GFRA2: variants seen among roughly 807,000 people sequenced by gnomAD.
The protein encoded by GFRA2 is GDNF family receptor alpha-2.
A neutral mutation model predicts 48.3 loss-of-function variants in GFRA2; 17 were observed. The observed-to-expected ratio is 0.35, with a 90% CI of 0.24 to 0.53. GFRA2 has a LOEUF of 0.53. Ranked by LOEUF, GFRA2 falls within the 20% of genes least tolerant of loss-of-function variation. The probability of loss-of-function intolerance (pLI) is 0.93; values close to 1 mark genes in which losing one functional copy is unlikely to be tolerated. For synonymous variants in GFRA2, 305 were observed against 257.2 expected, an observed-to-expected ratio of 1.19 and a Z score of -1.78; for missense variants, 660 against 637.3, an observed-to-expected ratio of 1.04 and a Z score of -0.38.
chr8:21,793,715 CCAACTGGT>C (rs1376175252), upstream of GFRA2, among the ~76,000 whole-genome samples: 157 of 152,194 alleles, frequency 1.0e-3, no homozygotes, highest in African/African-American at 3.8e-3. Context: ...TCCAGCACCC[CCAACTGGT>C]CAATTCTGTG....
At chr8:21,713,229 T>C (rs1803162408) in intron 4 of GFRA2, among the ~76,000 whole-genome samples, 2 of 152,166 alleles carry the variant, frequency 1.3e-5, no homozygotes, top group Admixed American at 6.5e-5. Context: ...TCTTTCTCTT[T>C]TGCCCATGCT....
intron 4 of GFRA2, among the ~76,000 whole-genome samples, chr8:21,721,498 G>A (rs1052671933): frequency 1.3e-5 from 2 of 152,200 alleles, no homozygotes; most frequent in Non-Finnish European, 2.9e-5. Context: ...GAAGGGCAAA[G>A]GAAGTCAGAG....
intron 4 of GFRA2, among the ~76,000 whole-genome samples, chr8:21,741,084 T>A (rs13253304): frequency 0.075 from 11,375 of 152,158 alleles, 491 homozygotes; most frequent in Non-Finnish European, 0.088. Flanking sequence ...GCAGCCAGAG[T>A]AATCTTTCTT....
Position 21,697,859 on chromosome 8 carries a change from C to A in GFRA2, c.1219-3342G>T, listed in dbSNP as rs1336218349. 3.3e-5 allele frequency among the ~76,000 whole-genome samples: 5 copies of A among 152,282 alleles called. No individual in the cohort carries two copies. The South Asian group carries it at 8.3e-4, about 25-fold the overall frequency. The stretch of plus-strand genomic sequence containing the variant: ...ATTCCCCTGCACACACTCTCTCTTT[C>A]CCAGTCACCATGTAAGACGTCCCTT... On this transcript the variant is annotated intron_variant, in intron 7 of 8. Coordinates refer to ENST00000524240, the MANE Select transcript of GFRA2 (RefSeq NM_001495.5).
intron 4 of GFRA2, among the ~76,000 whole-genome samples, chr8:21,739,989 G>A (rs1456682012): frequency 6.6e-6 from 1 of 152,180 alleles, no homozygotes; most frequent in Non-Finnish European, 1.5e-5. Flanking sequence ...CAGCCATATC[G>A]TGGCCCCTCC....
At chr8:21,764,314 C>T (rs190430780) in intron 3 of GFRA2, among the ~76,000 whole-genome samples, 31 of 152,252 alleles carry the variant, frequency 2.0e-4, no homozygotes, top group African/African-American at 7.0e-4. Context: ...GGCAAGTGAG[C>T]TCTCCAGGGT....
At chr8:21,736,943 G>C (rs901659412) in intron 4 of GFRA2, among the ~76,000 whole-genome samples, 18 of 140,310 alleles carry the variant, frequency 1.3e-4, no homozygotes, top group African/African-American at 4.6e-4. Flanking sequence ...GAGGGGAGGG[G>C]AGGGGAGGCC....
At chr8:21,704,155 A>T (rs1386766464) in intron 6 of GFRA2, among the ~76,000 whole-genome samples, 1 of 152,184 alleles carries the variant, frequency 6.6e-6, no homozygotes, top group Non-Finnish European at 1.5e-5. Context: ...TCTTCTGTGG[A>T]GCCCAGGACC....
intron 2 of GFRA2, among the ~76,000 whole-genome samples, chr8:21,801,843 C>G (rs1309107183): frequency 5.3e-5 from 8 of 152,320 alleles, no homozygotes; most frequent in African/African-American, 1.7e-4. Context: ...ACTGTCCACG[C>G]CCAGTGCTCC....
chr8:21,693,171 A>AC lies in GFRA2; in HGVS notation c.*106_*107insG. On this transcript the variant is annotated 3_prime_UTR_variant, in exon 9 of 9. Transcript: ENST00000524240. ...GTTCAGCGACAAGGTGGGAAAAACAATTTTTTTTTTGCAAGGTGTGTGTGT... is the reference window on the plus strand; with the variant it reads ...GTTCAGCGACAAGGTGGGAAAAACAACTTTTTTTTTTGCAAGGTGTGTGTGT... The AC allele has an allele frequency of 9.4e-7, 1 of 1,061,442 alleles. No individual in the cohort carries two copies. The highest frequency in any genetic ancestry group is 3.3e-5 in the East Asian group (1 of 30,146). The allele number at this position is 1,061,442 out of a possible 1,614,324, so 65.8% of individuals were successfully genotyped here.
intron 4 of GFRA2, among the ~76,000 whole-genome samples, chr8:21,716,380 G>C (rs1040109228): frequency 6.6e-6 from 1 of 151,440 alleles, no homozygotes; most frequent in African/African-American, 2.4e-5. Flanking sequence ...GACCTCCTTT[G>C]TCCAGGTCCT....
At position 21,706,503 on chromosome 8, in the gene GFRA2, A is replaced by G. The variant is rs1802756291; in HGVS notation, c.795-462T>C. The G allele has an allele frequency of 8.8e-6, 4 of 454,968 alleles. No individual in the cohort carries two copies. The Admixed American group carries it at 9.4e-5, about 11-fold the overall frequency. The allele number at this position is 454,968 out of a possible 1,614,324, so 28.2% of individuals were successfully genotyped here. On this transcript the variant is annotated intron_variant, in intron 4 of 8. Transcript: ENST00000524240. ...AACAGGTGACTAGTCCCTTCCCTAGATGCTTCATAGGACCTATCTGAGGGT... is the reference window on the plus strand; with the variant it reads ...AACAGGTGACTAGTCCCTTCCCTAGGTGCTTCATAGGACCTATCTGAGGGT...
At chr8:21,784,330 T>C in intron 1 of GFRA2, 1 of 456,130 alleles carries the variant, frequency 2.2e-6, no homozygotes, top group Non-Finnish European at 4.4e-6. Context: ...GAGCCATGAC[T>C]GCCCTTTCCT....
rs184068614 is a variant in GFRA2, at chr8:21,716,099, G to A, written c.795-10058C>T. Among the ~76,000 whole-genome samples the A allele has an allele frequency of 6.8e-3, 1,042 of 152,258 alleles. 38 individuals are homozygous for A. The highest frequency in any genetic ancestry group is 0.064 in the Admixed American group (986 of 15,304). ...GCACTTTGGGAAGCAGAGGCAGGCG[G>A]ATTACTTGAGGTCAAGAGTTCAAGA... On this transcript the variant is annotated intron_variant, in intron 4 of 8. Coordinates refer to ENST00000524240, the MANE Select transcript of GFRA2 (RefSeq NM_001495.5).
chr8:21,775,989 CTGTGTGTGTGTGTGTG>C (rs200687629), intron 2 of GFRA2, among the ~76,000 whole-genome samples: 1,509 of 126,474 alleles, frequency 0.012, 20 homozygotes, highest in African/African-American at 0.04. Flanking sequence ...CACTCATCCT[CTGTGTGTGTGTGTGTG>C]TGTGTGTGTG....
chr8:21,694,092 T>TATATATATATATATATATATC (rs1221616880), intron 8 of GFRA2, among the ~76,000 whole-genome samples: 1 of 138,676 alleles, frequency 7.2e-6, no homozygotes, highest in Non-Finnish European at 1.6e-5. Flanking sequence ...TATATATATA[T>TATATATATATATATATATATC]TTCCTATAGT....
intron 7 of GFRA2, among the ~76,000 whole-genome samples, chr8:21,701,958 C>G (rs867811658): frequency 1.3e-5 from 2 of 152,296 alleles, no homozygotes; most frequent in Middle Eastern, 3.4e-3. Flanking sequence ...CCTGCCAAGT[C>G]AGCCTCTCCC....
chr8:21,743,969 G>C (rs73554742), intron 4 of GFRA2, among the ~76,000 whole-genome samples: 1 of 152,172 alleles, frequency 6.6e-6, no homozygotes, highest in Non-Finnish European at 1.5e-5. Flanking sequence ...AGATATTCAA[G>C]GACCTCTACT....
intron 3 of GFRA2, among the ~76,000 whole-genome samples, chr8:21,767,626 C>T (rs1273566604): frequency 6.6e-6 from 1 of 152,238 alleles, no homozygotes; most frequent in Non-Finnish European, 1.5e-5. Flanking sequence ...GGCCAAGAGC[C>T]GCCCCACACC....
Sources: allele counts gnomAD v4.1 joint callset (sites outside exome capture counted in the v4.1 genomes callset), GRCh38; gene constraint gnomAD v4.1.1; transcripts MANE v1.5; gene names NCBI Gene and HGNC (gene_info 2026-07-23, HGNC 2026-07-21).